Variants in DOCK2 observed in about 807,000 individuals in gnomAD.
DOCK2 encodes dedicator of cytokinesis protein 2.
DOCK2 carries 87 observed loss-of-function variants against 248.9 expected under a neutral mutation model. That is an observed-to-expected ratio of 0.35 (90% confidence interval 0.29 to 0.42). DOCK2 has a LOEUF of 0.42. Ranked by LOEUF, DOCK2 falls within the 10% of genes least tolerant of loss-of-function variation. The pLI, the probability that DOCK2 is intolerant of heterozygous loss-of-function variation, is 1.00. For missense variants in DOCK2, 1,747 were observed against 2,300.2 expected, an observed-to-expected ratio of 0.76 and a Z score of 4.92; for synonymous variants, 805 against 821.6, an observed-to-expected ratio of 0.98 and a Z score of 0.35.
At chr5:169,757,924 C>T (rs1764278174) in intron 23 of DOCK2, among the ~76,000 whole-genome samples, 1 of 152,156 alleles carries the variant, frequency 6.6e-6, no homozygotes. Context: ...GGGAAATGGT[C>T]AATTAAAGGA....
chr5:169,869,825 G>A (rs1013439338), intron 27 of DOCK2, among the ~76,000 whole-genome samples: 2 of 152,120 alleles, frequency 1.3e-5, no homozygotes, highest in African/African-American at 2.4e-5. Context: ...ACCTCACCTC[G>A]CTTTCACTGC....
chr5:170,011,801 C>T (rs954169633), intron 32 of DOCK2, among the ~76,000 whole-genome samples: 2 of 152,132 alleles, frequency 1.3e-5, no homozygotes, highest in Non-Finnish European at 2.9e-5. Flanking sequence ...TGCATTTTTG[C>T]CCACAGCCCT....
rs551532281 is a variant in DOCK2 at position 169,655,552 on chromosome 5, G to A, written c.127+1066G>A. On this transcript the variant is annotated intron_variant, in intron 2 of 51. Coordinates refer to ENST00000520908, the MANE Select transcript of DOCK2 (RefSeq NM_004946.3). ...AAGTTCTTTATAACACATGATCCTA[G>A]TCACTCCTCACCACAACCCACAGGA... 4.6e-5 allele frequency among the ~76,000 whole-genome samples: 7 copies of A among 152,282 alleles called. No individual in the cohort carries two copies. The South Asian group carries it at 6.2e-4, about 14-fold the overall frequency.
chr5:169,960,498 G>A (rs1040490344), intron 27 of DOCK2, among the ~76,000 whole-genome samples: 3 of 152,194 alleles, frequency 2.0e-5, no homozygotes, highest in Non-Finnish European at 2.9e-5. Context: ...AGATGAAATG[G>A]AATAAAAAGG....
At chr5:170,072,546 A>C (rs1757715373) in intron 46 of DOCK2, among the ~76,000 whole-genome samples, 1 of 152,226 alleles carries the variant, frequency 6.6e-6, no homozygotes, top group Non-Finnish European at 1.5e-5. Context: ...CTCAGTATAC[A>C]TGCAGTAGTG....
chr5:169,873,347 A>G (rs1446953115), intron 27 of DOCK2, among the ~76,000 whole-genome samples: 2 of 152,216 alleles, frequency 1.3e-5, no homozygotes, highest in African/African-American at 4.8e-5. Flanking sequence ...GCTGTTTCCC[A>G]AAGAGACATT....
At chr5:169,866,098 AG>A (rs113186074) in intron 27 of DOCK2, among the ~76,000 whole-genome samples, 1 of 144,016 alleles carries the variant, frequency 6.9e-6, no homozygotes, top group African/African-American at 2.7e-5. Context: ...CAGAGGGGCG[AG>A]GGGGCCTGTT....
intron 6 of DOCK2, among the ~76,000 whole-genome samples, chr5:169,678,990 A>G (rs1297697392): frequency 2.0e-5 from 3 of 152,118 alleles, no homozygotes; most frequent in Non-Finnish European, 2.9e-5. Flanking sequence ...AGAGGAAGAC[A>G]TGGGTGGACT....
At chr5:169,718,565 T>A (rs1762023860) in intron 21 of DOCK2, 92 bp from the exon 22 acceptor site, 2 of 1,461,928 alleles carry the variant, frequency 1.4e-6, no homozygotes, top group African/African-American at 2.8e-5. Flanking sequence ...TACTACCACC[T>A]TTAACCTTTG....
At chr5:169,752,136 C>A (rs747470561) in intron 23 of DOCK2, among the ~76,000 whole-genome samples, 2 of 152,160 alleles carry the variant, frequency 1.3e-5, no homozygotes, top group African/African-American at 4.8e-5. Context: ...GTCAACACCA[C>A]ACACATGTAA....
rs1764285514 is a variant in DOCK2 at position 169,758,053 on chromosome 5, T to C, written c.2377-1652T>C. 3.4e-5 allele frequency among the ~76,000 whole-genome samples: 5 copies of C among 146,408 alleles called. No homozygotes were observed. In the South Asian group the frequency reaches 1.1e-3, roughly 31 times the overall value. ...TATCCTACAAGGATCTTTACAGATATACAAACAGTATTTTTTTTACCACGT... is the reference window on the plus strand; with the variant it reads ...TATCCTACAAGGATCTTTACAGATACACAAACAGTATTTTTTTTACCACGT... On this transcript the variant is annotated intron_variant, in intron 23 of 51. Transcript: ENST00000520908.
intron 29 of DOCK2, among the ~76,000 whole-genome samples, chr5:169,988,599 G>A (rs1391051224): frequency 3.3e-5 from 5 of 151,892 alleles, no homozygotes; most frequent in South Asian, 4.2e-4. Flanking sequence ...TGCAACCTCC[G>A]CCTCCTGGGT....
chr5:169,644,930 T>A (rs1757366664), intron 1 of DOCK2, among the ~76,000 whole-genome samples: 1 of 152,200 alleles, frequency 6.6e-6, no homozygotes, highest in South Asian at 2.1e-4. Context: ...TTGCTGAGAA[T>A]GATGGCTTCC....
chr5:169,809,973 G>A (rs773073052), intron 26 of DOCK2, among the ~76,000 whole-genome samples: 1 of 152,138 alleles, frequency 6.6e-6, no homozygotes, highest in African/African-American at 2.4e-5. Flanking sequence ...TTGCTCCATT[G>A]TGGCACCTGT....
intron 27 of DOCK2, among the ~76,000 whole-genome samples, chr5:169,876,100 G>A (rs1380367516): frequency 6.6e-6 from 1 of 152,088 alleles, no homozygotes; most frequent in East Asian, 1.9e-4. Context: ...TTGTGACCAC[G>A]GCACTCTGAC....
At chr5:169,786,339 G>A (rs890527700) in intron 25 of DOCK2, among the ~76,000 whole-genome samples, 1 of 152,154 alleles carries the variant, frequency 6.6e-6, no homozygotes, top group African/African-American at 2.4e-5. Flanking sequence ...GAAGCTTGGG[G>A]TGTGTGCCTT....
chr5:169,704,791 G>GTA (rs1469127938), intron 14 of DOCK2, among the ~76,000 whole-genome samples: 18 of 141,964 alleles, frequency 1.3e-4, no homozygotes, highest in East Asian at 6.7e-4. Context: ...GTGTGTGTGT[G>GTA]TGTGTGTGTG....
At position 170,077,768 on chromosome 5, in the gene DOCK2, A is replaced by G. The variant is rs775150072; in HGVS notation, c.4925A>G (p.Gln1642Arg). ...RPRSMLRSYR[Q>R]MSIISLASMN... ...AGGTCTATGCTGCGCTCATACAGACAGATGTCCATCATCTCTCTGGCTTCC... is the reference window on the plus strand; with the variant it reads ...AGGTCTATGCTGCGCTCATACAGACGGATGTCCATCATCTCTCTGGCTTCC... Residue 1642 changes from glutamine (Q) to arginine (R), a missense_variant, in exon 48 of 52, where the codon CAG becomes CGG. Physicochemically the swap from Gln to Arg is conservative, Grantham distance 43. Transcript: ENST00000520908. 1 of 1,613,982 alleles carries G rather than the reference A, an allele frequency of 6.2e-7. No homozygotes were observed. Among genetic ancestry groups the G allele is most frequent in the Non-Finnish European group, 8.5e-7 (1 of 1,180,008 alleles).
intron 26 of DOCK2, among the ~76,000 whole-genome samples, chr5:169,811,714 A>T (rs1231068559): frequency 6.6e-6 from 1 of 152,214 alleles, no homozygotes; most frequent in Non-Finnish European, 1.5e-5. Flanking sequence ...TTCTGGTGCC[A>T]AAGTGGCAAG....
Sources: gnomAD v4.1 joint callset for allele counts (sites outside exome capture counted in the v4.1 genomes callset) on GRCh38, gnomAD v4.1.1 for gene constraint, MANE v1.5 for transcripts, NCBI Gene and HGNC (gene_info 2026-07-23, HGNC 2026-07-21) for gene names.